NEB: variants seen among roughly 807,000 people sequenced by gnomAD.
NEB encodes nemaline myopathy type 2.
In NEB, 512 loss-of-function variants were observed where a neutral mutation model predicts 952.2. The ratio of observed to expected loss-of-function variants is 0.54; its 90% CI spans 0.50 to 0.58. NEB has a LOEUF of 0.58. Ranked by LOEUF, NEB falls within the 20% of genes least tolerant of loss-of-function variation. The pLI is 0.00. For missense variants in NEB, 8,428 were observed against 9,231.1 expected (o/e 0.91, Z 3.56); for synonymous variants, 2,900 against 3,149.8 (o/e 0.92, Z 2.66).
intron 102 of NEB, 97 bp from the exon 103 acceptor site, chr2:151,581,684 G>A (rs2097100128): frequency 2.2e-6 from 3 of 1,388,940 alleles, no homozygotes; most frequent in African/African-American, 1.5e-5. Context: ...TTGAATAAAT[G>A]GATGATGAAA....
intron 13 of NEB, among the ~76,000 whole-genome samples, chr2:151,698,293 G>C (rs1480408472): frequency 1.3e-5 from 2 of 151,926 alleles, no homozygotes; most frequent in Non-Finnish European, 2.9e-5. Context: ...CAATTCAATG[G>C]ATTTTAGTAT....
intron 74 of NEB, among the ~76,000 whole-genome samples, 192 bp downstream of exon 74, chr2:151,618,083 A>ACAC (rs2098264678): frequency 6.6e-6 from 1 of 152,186 alleles, no homozygotes; most frequent in South Asian, 2.1e-4. Flanking sequence ...AAACAAACAA[A>ACAC]AGCACACAGT....
At position 151,676,763 on chromosome 2, in the gene NEB, G is replaced by A. The variant is rs1434740552; in HGVS notation, c.3774+802C>T. Among the ~76,000 whole-genome samples the A allele has an allele frequency of 5.3e-5, 8 of 152,180 alleles. No individual in the cohort carries two copies. The South Asian group carries it at 6.2e-4, about 12-fold the overall frequency. On this transcript the variant is annotated intron_variant, in intron 34 of 181. Coordinates refer to ENST00000397345, the MANE Select transcript of NEB (RefSeq NM_001164508.2). The stretch of plus-strand genomic sequence containing the variant: ...TGTATTTAACATTTTCCTCTCCTGC[G>A]GCATTTGTCTCTCTGGATGACAATG...
rs896028175 is a variant in NEB, at chr2:151,687,717, T to G, written c.2432A>C (p.Asp811Ala). 1 of 1,588,252 alleles carries G rather than the reference T, an allele frequency of 6.3e-7. No individual in the cohort carries two copies. Among genetic ancestry groups the G allele is most frequent in the African/African-American group, 1.3e-5 (1 of 74,462 alleles). The change falls in exon 26 of 182, where the codon GAC (aspartate) becomes GCC (alanine). Residue 811 changes from aspartate (D) to alanine (A), a missense_variant. Asp to Ala is a moderately radical substitution (Grantham distance 126, BLOSUM62 -2). Around this residue, in one of 11 missense-constraint regions of NEB, gnomAD observed 2,851 missense variants for 2,791.5 expected, o/e 1.02. Transcript: ENST00000397345. ...YNLSDNVYKQDWEKSKAKKFD... is the reference protein window; with the variant it reads ...YNLSDNVYKQAWEKSKAKKFD... The stretch of plus-strand genomic sequence containing the variant: ...CTTCTTGGCTTTGCTCTTCTCCCAG[T>G]CTTGCTTATAAACATTCTGGACAAG...
intron 161 of NEB, among the ~76,000 whole-genome samples, chr2:151,508,778 A>G (rs761959529): frequency 2.0e-5 from 3 of 152,224 alleles, no homozygotes; most frequent in Non-Finnish European, 4.4e-5. Flanking sequence ...ACCAGACATC[A>G]CTATTCCTTG....
rs398124170 is a variant in NEB at position 151,682,662 on chromosome 2, C to T, written c.2943G>A (p.Glu981=). The T allele has an allele frequency of 1.2e-6, 2 of 1,609,908 alleles. 1 individual carries two copies. Among genetic ancestry groups the T allele is most frequent in the Admixed American group, 3.3e-5 (2 of 59,772 alleles). ...KAKRASDILN[E]KKYRQHPDTL... ...CCTCTGACACACCCAGTGGCTTTAC[C>T]TCATTGAGGATGTCTGAAGCTCGCT... The change falls in exon 29 of 182, where the codon GAG becomes GAA. Residue 981 remains glutamate, a splice_region_variant and synonymous_variant. Coordinates refer to ENST00000397345, the MANE Select transcript of NEB (RefSeq NM_001164508.2).
chr2:151,503,482 C>T (rs778721485), intron 165 of NEB, 41 bp from the exon 166 acceptor site: 44 of 1,397,590 alleles, frequency 3.1e-5, no homozygotes, highest in Middle Eastern at 1.8e-4. Context: ...GTAAAATGAC[C>T]GTAAATCCTT....
chr2:151,508,074 C>A lies in NEB; in HGVS notation c.23382G>T (p.Ser7794=), dbSNP rs770713773. 1 of 1,610,126 alleles carries A rather than the reference C, an allele frequency of 6.2e-7. No homozygotes were observed. Among genetic ancestry groups the A allele is most frequent in the Non-Finnish European group, 8.5e-7 (1 of 1,178,052 alleles). The part of the protein sequence containing the change: ...KYKEDAEKSM[S]YYETVLDTPE... ...GGGTGTCCAAAACAGTCTCATAATA[C>A]GACATGGACTTCTCAGCATCTTCCT... Residue 7794 remains serine, a synonymous_variant, in exon 162 of 182, where the codon TCG becomes TCT. Transcript: ENST00000397345.
intron 111 of NEB, 63 bp downstream of exon 111, chr2:151,568,555 A>T: frequency 6.9e-7 from 1 of 1,458,118 alleles, no homozygotes; most frequent in Non-Finnish European, 9.5e-7. Context: ...GTGTAAGTAG[A>T]TGGAAAAGCT....
chr2:151,722,877 C>T (rs969174593), intron 9 of NEB, among the ~76,000 whole-genome samples: 5 of 152,176 alleles, frequency 3.3e-5, no homozygotes, highest in African/African-American at 1.2e-4. Context: ...GTACACTAGT[C>T]AGGTCCCACA....
At position 151,640,577 on chromosome 2, in the gene NEB, C is replaced by A. The variant is rs779148176; in HGVS notation, c.8463G>T (p.Met2821Ile). Residue 2821 changes from methionine to isoleucine, a missense_variant, in exon 61 of 182, where the codon ATG (methionine) becomes ATT (isoleucine). Physicochemically the swap from Met to Ile is conservative, Grantham distance 10. Coordinates refer to ENST00000397345, the MANE Select transcript of NEB (RefSeq NM_001164508.2). ...TGTCACTCTGGATCTTGGCCACGTG[C>A]ATGGACCACATCATCTTGGGGTCAT... ...IRDDPKMMWS[M>I]HVAKIQSDRE... The A allele has an allele frequency of 1.2e-6, 2 of 1,613,934 alleles. No homozygotes were observed. Among genetic ancestry groups the A allele is most frequent in the Non-Finnish European group, 1.7e-6 (2 of 1,179,866 alleles).
intron 146 of NEB, among the ~76,000 whole-genome samples, chr2:151,527,906 C>T (rs967464135): frequency 3.9e-5 from 6 of 152,142 alleles, no homozygotes; most frequent in Non-Finnish European, 8.8e-5. Context: ...AAACTAAATT[C>T]GGGTTTAATT....
rs11436329 is a variant in NEB at position 151,546,308 on chromosome 2, C to CGG, written c.20466+35_20466+36dup. The stretch of plus-strand genomic sequence containing the variant: ...CTGGTGATGGGGGCATCCAGCTGTG[C>CGG]GGGGGGTAATTATGCATTGTGATGA... On this transcript the variant is annotated intron_variant, in intron 134 of 181. Transcript: ENST00000397345. The CGG allele has an allele frequency of 1.6e-5, 25 of 1,518,622 alleles. No homozygotes were observed. The African/African-American group carries it at 2.1e-4, about 12-fold the overall frequency. The allele number at this position is 1,518,622 out of a possible 1,614,324, so 94.1% of individuals were successfully genotyped here.
chr2:151,724,448 G>T (rs1248632793), intron 7 of NEB, 84 bp from the exon 8 acceptor site: 1 of 1,043,114 alleles, frequency 9.6e-7, no homozygotes, highest in African/African-American at 1.6e-5. Flanking sequence ...GACTCATGAA[G>T]GCATGCTTGC....
chr2:151,705,686 C>A (rs1200110674), intron 13 of NEB, among the ~76,000 whole-genome samples: 2 of 152,062 alleles, frequency 1.3e-5, no homozygotes, highest in African/African-American at 4.8e-5. Flanking sequence ...GCCCATCAAC[C>A]AACGAGAGGA....
intron 71 of NEB, among the ~76,000 whole-genome samples, chr2:151,621,298 A>G (rs1000701217): frequency 6.6e-6 from 1 of 152,196 alleles, no homozygotes; most frequent in African/African-American, 2.4e-5. Flanking sequence ...ATGTGTTTAG[A>G]TTGTTCACCA....
intron 18 of NEB, 147 bp downstream of exon 18, chr2:151,695,431 C>T: frequency 1.5e-6 from 1 of 650,468 alleles, no homozygotes; most frequent in Non-Finnish European, 2.7e-6. Flanking sequence ...TTCAGTTATA[C>T]TGGCAGAGGC....
intron 161 of NEB, among the ~76,000 whole-genome samples, chr2:151,508,761 GCTCTGAA>G (rs1179714493): frequency 2.0e-5 from 3 of 152,248 alleles, no homozygotes; most frequent in African/African-American, 7.2e-5. Context: ...GCCAAGGACT[GCTCTGAA>G]CCAGACATCA....
At chr2:151,494,055 T>G in intron 174 of NEB, 106 bp downstream of exon 174, 4 of 1,016,434 alleles carry the variant, frequency 3.9e-6, no homozygotes, top group Non-Finnish European at 6.0e-6. Flanking sequence ...GATGCAAATG[T>G]AACTGGCATT....
Sources: allele counts gnomAD v4.1 joint callset (sites outside exome capture counted in the v4.1 genomes callset), GRCh38; gene constraint gnomAD v4.1.1; regional missense constraint gnomAD v4.1.1; transcripts MANE v1.5; gene names NCBI Gene and HGNC (gene_info 2026-07-23, HGNC 2026-07-21).